Variants in CFAP47 observed in about 807,000 individuals in gnomAD.
The protein encoded by CFAP47 is cilia and flagella associated protein 47.
CFAP47 carries 29 observed loss-of-function variants against 148.1 expected under a neutral mutation model. That is an observed-to-expected ratio of 0.20 (90% CI 0.15 to 0.27). The LOEUF is 0.27. CFAP47 is among the 10% of genes least tolerant of loss of function. The pLI is 1.00. For missense variants in CFAP47, 1,872 were observed against 1,697.5 expected, an observed-to-expected ratio of 1.10 and a Z score of -1.81; for synonymous variants, 664 against 577.3, an observed-to-expected ratio of 1.15 and a Z score of -2.15.
At position 35,988,656 on chromosome X, in the gene CFAP47, C is replaced by T. The variant is rs535054010; in HGVS notation, c.2714-663C>T. On this transcript the variant is annotated intron_variant, in intron 15 of 63. Transcript: ENST00000378653. ...TGAATCTCAGGGGCTTCTGCCTTTC[C>T]GAAGGAAGAACATCTAAGTTATTGT... Among the ~76,000 whole-genome samples, 74 of 111,600 alleles carry T rather than the reference C, an allele frequency of 6.6e-4. No individual in the cohort carries two copies. In the South Asian group the frequency reaches 0.026, roughly 39 times the overall value.
chrX:36,126,816 G>T (rs1316769245), intron 33 of CFAP47, among the ~76,000 whole-genome samples: 2 of 112,249 alleles, frequency 1.8e-5, no homozygotes, highest in East Asian at 5.7e-4. Context: ...GTATCTCATT[G>T]TGGTTTTGAC....
At chrX:36,225,044 A>G (rs1335312969) in intron 45 of CFAP47, among the ~76,000 whole-genome samples, 2 of 111,848 alleles carry the variant, frequency 1.8e-5, no homozygotes, top group Non-Finnish European at 3.8e-5. Context: ...TATTTTCTTC[A>G]GTAATTGTAA....
chrX:35,919,924 T>A lies in CFAP47; in HGVS notation c.125T>A (p.Val42Glu). 1 of 1,210,320 alleles carries A rather than the reference T, an allele frequency of 8.3e-7. No individual in the cohort carries two copies. Among genetic ancestry groups the A allele is most frequent in the Non-Finnish European group, 1.1e-6 (1 of 894,989 alleles). ...DSSGRDMQLR[V>E]IPAEVKFLDT... The stretch of plus-strand genomic sequence containing the variant: ...TCGGGTAGAGACATGCAGCTGCGGG[T>A]GATCCCGGCTGAGGTGAAGTTCCTG... The change falls in exon 1 of 64, where the codon GTG becomes GAG. Residue 42 changes from valine to glutamate, a missense_variant. Val to Glu is a moderately radical substitution (Grantham distance 121, BLOSUM62 -2). Transcript: ENST00000378653.
chrX:35,920,055 C>CA lies in CFAP47; in HGVS notation c.249+8dup. 1.7e-6 allele frequency: 2 copies of CA among 1,175,072 alleles called. No individual in the cohort carries two copies. Among genetic ancestry groups the CA allele is most frequent in the South Asian group, 3.9e-5 (2 of 50,882 alleles). ...GGAGCCCGTCAAGCCACAGGTGACA[C>CA]ACTAAGGGGTGCTGGGAGCGGGACC... On this transcript the variant is annotated splice_region_variant and intron_variant, in intron 1 of 63. Coordinates refer to ENST00000378653, the MANE Select transcript of CFAP47 (RefSeq NM_001304548.2).
chrX:36,350,290 T>A (rs1303169350), intron 59 of CFAP47, among the ~76,000 whole-genome samples, 158 bp downstream of exon 59: 2 of 111,841 alleles, frequency 1.8e-5, no homozygotes, highest in Non-Finnish European at 3.8e-5. Context: ...TCCCAATGTG[T>A]CCAATGAGTT....
At chrX:36,202,864 T>C (rs1421143159) in intron 44 of CFAP47, among the ~76,000 whole-genome samples, 1 of 97,436 alleles carries the variant, frequency 1.0e-5, no homozygotes, top group Non-Finnish European at 2.1e-5. Flanking sequence ...GCAACAAGAG[T>C]GAAACTCCGT....
At chrX:35,939,586 T>C (rs1327350906) in intron 2 of CFAP47, among the ~76,000 whole-genome samples, 5 of 88,616 alleles carry the variant, frequency 5.6e-5, no homozygotes, top group Non-Finnish European at 1.1e-4. Context: ...AGAATGATGA[T>C]TTCCAATTTC....
chrX:36,156,638 A>G (rs1161378293), intron 37 of CFAP47, among the ~76,000 whole-genome samples: 1 of 110,675 alleles, frequency 9.0e-6, no homozygotes, highest in Admixed American at 9.7e-5. Flanking sequence ...TTTTTTAAAA[A>G]AAAATCAGGG....
chrX:36,287,903 A>G (rs1212740376), intron 51 of CFAP47, among the ~76,000 whole-genome samples: 1 of 112,081 alleles, frequency 8.9e-6, no homozygotes, highest in East Asian at 2.8e-4. Context: ...CTTTCCAACT[A>G]CTTTCAGAAG....
intron 15 of CFAP47, among the ~76,000 whole-genome samples, chrX:35,987,000 G>A (rs1019572217): frequency 3.6e-5 from 4 of 111,251 alleles, no homozygotes; most frequent in African/African-American, 1.3e-4. Context: ...AGGGGCACCC[G>A]CCAGAAGCCA....
At chrX:36,314,662 GCTAT>G (rs1471116914) in intron 56 of CFAP47, among the ~76,000 whole-genome samples, 1 of 111,221 alleles carries the variant, frequency 9.0e-6, no homozygotes, top group Non-Finnish European at 1.9e-5. Context: ...ACTTTTTAAT[GCTAT>G]CTATCTATCT....
At chrX:36,140,915 C>T (rs897514582) in intron 35 of CFAP47, among the ~76,000 whole-genome samples, 2 of 111,143 alleles carry the variant, frequency 1.8e-5, no homozygotes, top group Non-Finnish European at 3.8e-5. Context: ...TGTTTGACCA[C>T]AGCGTAGAAT....
At chrX:36,271,521 G>C (rs1374049103) in intron 49 of CFAP47, among the ~76,000 whole-genome samples, 1 of 111,649 alleles carries the variant, frequency 9.0e-6, no homozygotes, top group African/African-American at 3.3e-5. Context: ...TGCAGTATCT[G>C]AGCTCTATCT....
At chrX:36,322,128 T>C (rs782381817) in intron 57 of CFAP47, among the ~76,000 whole-genome samples, 1 of 111,354 alleles carries the variant, frequency 9.0e-6, no homozygotes, top group Non-Finnish European at 1.9e-5. Context: ...ATTTTGTTGC[T>C]ATTTATGTTT....
chrX:36,221,135 G>T (rs1940208890), intron 45 of CFAP47, among the ~76,000 whole-genome samples: 1 of 111,791 alleles, frequency 8.9e-6, no homozygotes, highest in African/African-American at 3.2e-5. Flanking sequence ...AAGAACAATG[G>T]TTACTAAAAT....
intron 8 of CFAP47, among the ~76,000 whole-genome samples, chrX:35,960,341 C>T (rs1334192785): frequency 1.5e-5 from 1 of 66,748 alleles, no homozygotes; most frequent in East Asian, 5.5e-4. Flanking sequence ...GGGATGCTTG[C>T]AAATACATAT....
At chrX:36,252,583 G>A (rs1018710260) in intron 49 of CFAP47, among the ~76,000 whole-genome samples, 11 of 111,300 alleles carry the variant, frequency 9.9e-5, no homozygotes, top group Admixed American at 8.6e-4. Context: ...GTCCTCATTT[G>A]ATAGGTAGGT....
chrX:36,086,110 G>A (rs188096310), intron 30 of CFAP47, among the ~76,000 whole-genome samples: 3 of 112,072 alleles, frequency 2.7e-5, no homozygotes, highest in Admixed American at 1.9e-4. Flanking sequence ...GTAGGAAGGC[G>A]AAAGGAATTT....
rs765799508 is a variant in CFAP47, at chrX:36,098,826, A to C, written c.4950A>C (p.Pro1650=). 8.4e-7 allele frequency: 1 copy of C among 1,191,843 alleles called. No individual in the cohort carries two copies. The highest frequency in any genetic ancestry group is 1.1e-6 in the Non-Finnish European group (1 of 881,082). The part of the protein sequence containing the change: ...AQGGCISHVL[P]EFLLEPEDYK... Reference sequence around the variant, plus strand: ...GAGGATGTATTTCACATGTCCTGCCAGAATTTTTGCTTGAACCAGAAGATT... The same window carrying C: ...GAGGATGTATTTCACATGTCCTGCCCGAATTTTTGCTTGAACCAGAAGATT... The change falls in exon 31 of 64, where the codon CCA becomes CCC. Residue 1650 remains proline, a synonymous_variant. Transcript: ENST00000378653.
Sources: gnomAD v4.1 joint callset for allele counts (sites outside exome capture counted in the v4.1 genomes callset) on GRCh38, gnomAD v4.1.1 for gene constraint, MANE v1.5 for transcripts, NCBI Gene and HGNC (gene_info 2026-07-23, HGNC 2026-07-21) for gene names.